TTC7A: variants seen among roughly 807,000 people sequenced by gnomAD.
TTC7A encodes the protein tetratricopeptide repeat protein 7A.
TTC7A carries 110 observed loss-of-function variants against 103.7 expected under a neutral mutation model. That is an observed-to-expected ratio of 1.06 (90% CI 0.91 to 1.24). The LOEUF (loss-of-function observed/expected upper bound fraction) is 1.24, where lower values mean the gene tolerates loss of function less well. Ranked by LOEUF, TTC7A falls within the 50% of genes most tolerant of loss-of-function variation. The probability of loss-of-function intolerance (pLI) is 0.00; values close to 1 mark genes in which losing one functional copy is unlikely to be tolerated. For missense variants in TTC7A, 1,340 were observed against 1,116.3 expected, an observed-to-expected ratio of 1.20 and a Z score of -2.86; for synonymous variants, 521 against 467.9, an observed-to-expected ratio of 1.11 and a Z score of -1.47.
rs1473462270 is a variant in TTC7A at position 47,029,316 on chromosome 2, C to T, written c.1734C>T (p.Ala578=). ...ALHLLALLFS[A]QKHHQHALDV... is the part of the protein sequence containing the mutation. ...ACCTGCTGGCACTGCTCTTCTCTGC[C>T]CAGAAGCACCACCAGCATGCCCTGG... Residue 578 remains alanine, a synonymous_variant, in exon 15 of 20, where the codon GCC becomes GCT. Coordinates refer to ENST00000319190, the MANE Select transcript of TTC7A (RefSeq NM_020458.4). The T allele has an allele frequency of 1.9e-6, 3 of 1,614,088 alleles. No homozygotes were observed. The highest frequency in any genetic ancestry group is 2.5e-6 in the Non-Finnish European group (3 of 1,180,032).
chr2:47,046,680 C>CTT, intron 16 of TTC7A: 1 of 498,886 alleles, frequency 2.0e-6, no homozygotes, highest in East Asian at 3.6e-5. Flanking sequence ...GAAGAGAAAT[C>CTT]ATTCTTGAGC....
At chr2:47,060,683 C>A in intron 18 of TTC7A, 86 bp from the exon 19 acceptor site, 1 of 1,307,632 alleles carries the variant, frequency 7.6e-7, no homozygotes, top group Non-Finnish European at 1.1e-6. Flanking sequence ...AAGACTAGTT[C>A]CCTGGCTCTG....
chr2:47,028,673 G>A (rs1353463344), intron 14 of TTC7A, among the ~76,000 whole-genome samples: 2 of 152,172 alleles, frequency 1.3e-5, no homozygotes, highest in African/African-American at 4.8e-5. Context: ...CATCCCATCT[G>A]TCCAGAACCA....
intron 8 of TTC7A, among the ~76,000 whole-genome samples, chr2:47,004,740 C>T (rs926368743): frequency 5.3e-5 from 8 of 152,034 alleles, no homozygotes; most frequent in South Asian, 2.1e-4. Flanking sequence ...GCCCAGCTCC[C>T]GCACAGCCCT....
chr2:47,065,542 C>A (rs779886539), intron 19 of TTC7A, among the ~76,000 whole-genome samples: 3 of 152,206 alleles, frequency 2.0e-5, no homozygotes, highest in Non-Finnish European at 4.4e-5. Context: ...AACCTTTGTC[C>A]TTCCTGGTTG....
At chr2:47,062,587 T>C (rs949464497) in intron 19 of TTC7A, among the ~76,000 whole-genome samples, 2 of 152,240 alleles carry the variant, frequency 1.3e-5, no homozygotes. Context: ...GGCTATATCA[T>C]TGGGCCTGCA....
intron 18 of TTC7A, among the ~76,000 whole-genome samples, chr2:47,059,762 G>A (rs1372323811): frequency 6.6e-6 from 1 of 152,200 alleles, no homozygotes; most frequent in Non-Finnish European, 1.5e-5. Flanking sequence ...AAGTCAGACA[G>A]CCCAGTGCAA....
intron 1 of TTC7A, among the ~76,000 whole-genome samples, chr2:46,949,764 G>A (rs986980690): frequency 4.6e-5 from 7 of 152,174 alleles, no homozygotes; most frequent in African/African-American, 1.4e-4. Flanking sequence ...GGTGGCTGAT[G>A]CCTGTAATCC....
intron 2 of TTC7A, among the ~76,000 whole-genome samples, chr2:46,921,889 T>A (rs963911678): frequency 2.1e-5 from 3 of 146,080 alleles, no homozygotes; most frequent in Admixed American, 1.4e-4. Context: ...ACAGGAGGCA[T>A]AGCTCAGGTT....
rs1677605481 is a variant in TTC7A at position 47,007,998 on chromosome 2, G to A, written c.1287+1274G>A. Among the ~76,000 whole-genome samples the A allele has an allele frequency of 1.3e-5, 2 of 152,206 alleles. No individual in the cohort carries two copies. The highest frequency in any genetic ancestry group is 2.9e-5 in the Non-Finnish European group (2 of 68,032). ...AGACAATGTGGGCAACGGTGAAGGG[G>A]CTGGAAAAGACGAGCTGGCCGTGGG... On this transcript the variant is annotated intron_variant, in intron 10 of 19. Coordinates refer to ENST00000319190, the MANE Select transcript of TTC7A (RefSeq NM_020458.4). This position sits in a 1 kb window ranked among gnomAD's most constrained non-coding sequence, Gnocchi z 4.9.
intron 3 of TTC7A, among the ~76,000 whole-genome samples, chr2:46,962,948 C>T (rs1436612093): frequency 1.3e-5 from 2 of 152,220 alleles, no homozygotes; most frequent in Non-Finnish European, 2.9e-5. Context: ...ATTGCCATTG[C>T]ATCATCTTCA....
At chr2:47,030,445 C>T (rs771705002) in intron 15 of TTC7A, among the ~76,000 whole-genome samples, 5 of 152,162 alleles carry the variant, frequency 3.3e-5, no homozygotes, top group East Asian at 1.9e-4. Context: ...CTCCTTCAGA[C>T]GACAGCACAT....
intron 11 of TTC7A, among the ~76,000 whole-genome samples, chr2:47,014,846 T>A (rs1311754843): frequency 2.0e-5 from 3 of 152,262 alleles, no homozygotes; most frequent in Non-Finnish European, 2.9e-5. Flanking sequence ...CTGGACTGGG[T>A]GGCCATGTGC....
intron 15 of TTC7A, among the ~76,000 whole-genome samples, chr2:47,043,515 A>G (rs1251371948): frequency 2.0e-5 from 3 of 152,134 alleles, no homozygotes; most frequent in Admixed American, 1.3e-4. Context: ...CCAGCGCCCA[A>G]GGTCATGGGG....
At chr2:47,018,890 G>A (rs564731609) in intron 11 of TTC7A, among the ~76,000 whole-genome samples, 2 of 152,220 alleles carry the variant, frequency 1.3e-5, no homozygotes, top group South Asian at 4.1e-4. Flanking sequence ...GACCAGCCTA[G>A]GATTTGGACC....
intron 11 of TTC7A, among the ~76,000 whole-genome samples, chr2:47,019,128 CTATTG>C (rs1373499590): frequency 6.6e-6 from 1 of 152,178 alleles, no homozygotes; most frequent in Non-Finnish European, 1.5e-5. Flanking sequence ...ATACTGTGTG[CTATTG>C]TATTGTATAT....
intron 14 of TTC7A, among the ~76,000 whole-genome samples, chr2:47,028,451 C>T (rs912309080): frequency 2.6e-5 from 4 of 152,232 alleles, no homozygotes; most frequent in African/African-American, 9.6e-5. Flanking sequence ...CCAGCCCCTC[C>T]TGGGCTCACT....
At chr2:46,994,958 G>C (rs191300043) in intron 7 of TTC7A, among the ~76,000 whole-genome samples, 178 bp from the exon 8 acceptor site, 5 of 152,068 alleles carry the variant, frequency 3.3e-5, no homozygotes, top group African/African-American at 1.2e-4. Flanking sequence ...ACCACCCACC[G>C]CAGCCTTTCA....
intron 15 of TTC7A, among the ~76,000 whole-genome samples, 167 bp from the exon 16 acceptor site, chr2:47,046,148 G>A (rs1352803226): frequency 6.6e-6 from 1 of 152,280 alleles, no homozygotes; most frequent in Admixed American, 6.5e-5. Context: ...GAGGCACACA[G>A]AGAAAGCAAG....
Sources: gnomAD v4.1 joint callset for allele counts (sites outside exome capture counted in the v4.1 genomes callset) on GRCh38, gnomAD v4.1.1 for gene constraint, Gnocchi (gnomAD v3.1) non-coding constraint, MANE v1.5 for transcripts, NCBI Gene and HGNC (gene_info 2026-07-23, HGNC 2026-07-21) for gene names.